DLG2: variants seen among roughly 807,000 people sequenced by gnomAD.
The protein encoded by DLG2 is disks large homolog 2.
DLG2 carries 45 observed loss-of-function variants against 132.5 expected under a neutral mutation model. The observed-to-expected ratio is 0.34, with a 90% CI of 0.27 to 0.44. DLG2 has a LOEUF of 0.44. Ranked by LOEUF, DLG2 falls within the 20% of genes least tolerant of loss-of-function variation. The pLI is 1.00. For missense variants in DLG2, 1,045 were observed against 1,196.9 expected (o/e 0.87, Z 1.87); for synonymous variants, 424 against 419.6 (o/e 1.01, Z -0.13).
intron 19 of DLG2, among the ~76,000 whole-genome samples, chr11:83,627,385 T>C (rs993263637): frequency 4.7e-5 from 7 of 150,264 alleles, no homozygotes; most frequent in African/African-American, 1.7e-4. Context: ...CACAACAGTC[T>C]CTGGTGTGTG....
intron 11 of DLG2, among the ~76,000 whole-genome samples, chr11:84,024,793 G>A (rs1395372158): frequency 6.6e-6 from 1 of 151,500 alleles, no homozygotes; most frequent in African/African-American, 2.4e-5. Flanking sequence ...CAAAATCTCA[G>A]ACAGGGGGAA....
chr11:84,286,978 C>A (rs2097916066), intron 7 of DLG2, among the ~76,000 whole-genome samples: 1 of 152,086 alleles, frequency 6.6e-6, no homozygotes. Context: ...TGATCTTGAC[C>A]AGATTACTCT....
intron 18 of DLG2, among the ~76,000 whole-genome samples, chr11:83,726,529 G>A (rs1179308940): frequency 1.3e-5 from 2 of 152,160 alleles, no homozygotes; most frequent in Middle Eastern, 3.2e-3. Context: ...TAAATGACAA[G>A]GAGGTATGGG....
chr11:84,948,460 A>T (rs568220994), intron 6 of DLG2, among the ~76,000 whole-genome samples: 1 of 152,236 alleles, frequency 6.6e-6, no homozygotes, highest in Non-Finnish European at 1.5e-5. Flanking sequence ...GCAGGACTGG[A>T]ATGAGTCAAC....
At position 84,703,881 on chromosome 11, in the gene DLG2, T is replaced by TATATATATATATATATATATATATATAC. The variant is rs1039735623; in HGVS notation, c.358-169151_358-169150insGTATATATATATATATATATATATATAT. 9.8e-4 allele frequency among the ~76,000 whole-genome samples: 120 copies of TATATATATATATATATATATATATATAC among 122,666 alleles called. 2 individuals carry two copies. The highest frequency in any genetic ancestry group is 3.3e-3 in the East Asian group (13 of 3,968). The allele number at this position is 122,666 out of a possible 152,430, so 80.5% of individuals were successfully genotyped here. A position where few individuals can be genotyped will look rare whatever the true frequency, so the allele number is the denominator to read the frequency against. Reference sequence around the variant, plus strand: ...AGATATATATATATATATATATATATATACACGTGTGTGTGTGTGTGTGTG... The same window carrying TATATATATATATATATATATATATATAC: ...AGATATATATATATATATATATATATATATATATATATATATATATATATATACATACACGTGTGTGTGTGTGTGTGTG... On this transcript the variant is annotated intron_variant, in intron 6 of 27. Coordinates refer to ENST00000376104, the MANE Select transcript of DLG2 (RefSeq NM_001142699.3).
At chr11:85,600,813 T>C (rs535194978) in intron 2 of DLG2, among the ~76,000 whole-genome samples, 1 of 152,364 alleles carries the variant, frequency 6.6e-6, no homozygotes, top group Non-Finnish European at 1.5e-5. Context: ...TCAATTTCTG[T>C]ACTAATATCA....
At chr11:84,436,889 C>A (rs1025402140) in intron 7 of DLG2, among the ~76,000 whole-genome samples, 4 of 152,190 alleles carry the variant, frequency 2.6e-5, no homozygotes, top group African/African-American at 9.7e-5. Context: ...ATACCAAGCA[C>A]CCCTGTAGAG....
At chr11:83,491,492 A>G (rs2093842083) in intron 21 of DLG2, among the ~76,000 whole-genome samples, 2 of 151,904 alleles carry the variant, frequency 1.3e-5, no homozygotes, top group South Asian at 2.1e-4. Flanking sequence ...TTTTTCCCCC[A>G]TTTATGTTAT....
chr11:85,115,453 A>G (rs2073430147), intron 5 of DLG2, among the ~76,000 whole-genome samples: 1 of 152,038 alleles, frequency 6.6e-6, no homozygotes, highest in Admixed American at 6.6e-5. Flanking sequence ...TATTCTAAGG[A>G]GAAAGATAAA....
chr11:84,107,559 T>A (rs2093053230), intron 9 of DLG2, among the ~76,000 whole-genome samples: 3 of 152,030 alleles, frequency 2.0e-5, no homozygotes, highest in South Asian at 4.1e-4. Flanking sequence ...TACACACACA[T>A]TATACTTGTA....
At chr11:84,039,362 C>G (rs1333165812) in intron 11 of DLG2, among the ~76,000 whole-genome samples, 1 of 130,922 alleles carries the variant, frequency 7.6e-6, no homozygotes, top group East Asian at 2.6e-4. Context: ...AATGCTATCC[C>G]TCCCCCCGCC....
chr11:84,445,379 C>G (rs1403335581), intron 7 of DLG2, among the ~76,000 whole-genome samples: 1 of 152,046 alleles, frequency 6.6e-6, no homozygotes, highest in Non-Finnish European at 1.5e-5. Flanking sequence ...TGATAGTAGA[C>G]TAGACTTTGA....
chr11:84,027,647 T>C (rs1387787082), intron 11 of DLG2, among the ~76,000 whole-genome samples: 2 of 152,026 alleles, frequency 1.3e-5, no homozygotes, highest in Non-Finnish European at 2.9e-5. Context: ...AAACACCTTT[T>C]GGGATAAATG....
In DLG2 at chr11:85,217,305, T is replaced by TTC. The variant is rs900599407; in HGVS notation, c.187-62656_187-62655dup. Among the ~76,000 whole-genome samples the TTC allele has an allele frequency of 2.3e-4, 33 of 145,884 alleles. 1 individual carries two copies. Among genetic ancestry groups the TTC allele is most frequent in the Middle Eastern group, 3.5e-3 (1 of 284 alleles). ...ACCGCAGATCCCACCATCACCTAGA[T>TTC]TCTCTCTCTCTCTCACACACACACA... On this transcript the variant is annotated intron_variant, in intron 4 of 27. Transcript: ENST00000376104.
At chr11:83,799,328 A>C (rs1213074266) in intron 17 of DLG2, among the ~76,000 whole-genome samples, 1 of 152,208 alleles carries the variant, frequency 6.6e-6, no homozygotes, top group Non-Finnish European at 1.5e-5. Flanking sequence ...AGAAGCATTT[A>C]ACACAATTGG....
At chr11:84,468,779 A>G (rs1015395675) in intron 7 of DLG2, among the ~76,000 whole-genome samples, 3 of 151,708 alleles carry the variant, frequency 2.0e-5, no homozygotes, top group Non-Finnish European at 1.5e-5. Context: ...TTAGAGTTTA[A>G]TATACAAACC....
intron 5 of DLG2, among the ~76,000 whole-genome samples, chr11:85,148,647 T>C (rs2077017745): frequency 6.6e-6 from 1 of 152,226 alleles, no homozygotes; most frequent in Admixed American, 6.5e-5. Flanking sequence ...TTCTGGATAT[T>C]AGACCTTTGT....
chr11:84,824,227 C>G (rs2078054471), intron 6 of DLG2, among the ~76,000 whole-genome samples: 1 of 151,934 alleles, frequency 6.6e-6, no homozygotes, highest in South Asian at 2.1e-4. Flanking sequence ...CTGCTCACAT[C>G]TTTACAAATT....
intron 17 of DLG2, among the ~76,000 whole-genome samples, chr11:83,820,827 T>G (rs1473699964): frequency 6.6e-6 from 1 of 152,172 alleles, no homozygotes; most frequent in Non-Finnish European, 1.5e-5. Context: ...CCATATTTAG[T>G]TATTCTCTGG....
Sources: allele counts gnomAD v4.1 joint callset (sites outside exome capture counted in the v4.1 genomes callset), GRCh38; gene constraint gnomAD v4.1.1; transcripts MANE v1.5; gene names NCBI Gene and HGNC (gene_info 2026-07-23, HGNC 2026-07-21).